Variants in GRIA4 observed in about 807,000 individuals in gnomAD.
GRIA4 encodes the protein glutamate receptor 4.
In GRIA4, 34 loss-of-function variants were observed where a neutral mutation model predicts 104.0. The observed-to-expected ratio is 0.33, with a 90% CI of 0.25 to 0.44. The LOEUF is 0.44. Among genes scored for constraint, GRIA4 ranks in the 20% least tolerant of loss-of-function variants. The pLI is 1.00. For synonymous variants in GRIA4, 386 were observed against 381.9 expected (o/e 1.01, Z -0.13); for missense variants, 750 against 1,096.5 (o/e 0.68, Z 4.46).
intron 3 of GRIA4, among the ~76,000 whole-genome samples, chr11:105,729,677 G>T (rs1294826471): frequency 6.6e-6 from 1 of 152,150 alleles, no homozygotes; most frequent in Non-Finnish European, 1.5e-5. Flanking sequence ...AGTGGGCTTT[G>T]TCCCTGGGAT....
intron 3 of GRIA4, among the ~76,000 whole-genome samples, chr11:105,621,461 G>T (rs555058716): frequency 1.3e-5 from 2 of 150,826 alleles, no homozygotes; most frequent in Admixed American, 6.6e-5. Context: ...AGAAATAAAA[G>T]TATTTAATAA....
In GRIA4 at chr11:105,879,862, A is replaced by C. The variant is rs548694297; in HGVS notation, c.673-7657A>C. ...ATTTTTCTCTTATGAAAGATATATT[A>C]ACATTGGCTAAAAATAAGTCTGAAT... On this transcript the variant is annotated intron_variant, in intron 5 of 16. Coordinates refer to ENST00000282499, the MANE Select transcript of GRIA4 (RefSeq NM_000829.4). Among the ~76,000 whole-genome samples the C allele has an allele frequency of 5.9e-5, 9 of 152,338 alleles. No homozygotes were observed. The South Asian group carries it at 1.9e-3, about 32-fold the overall frequency.
chr11:105,808,213 T>A (rs1442831125), intron 4 of GRIA4, among the ~76,000 whole-genome samples: 1 of 151,972 alleles, frequency 6.6e-6, no homozygotes, highest in Non-Finnish European at 1.5e-5. Context: ...GCTCAATTAA[T>A]TTTGAAGGGC....
intron 4 of GRIA4, among the ~76,000 whole-genome samples, chr11:105,860,557 G>A (rs1945183040): frequency 6.6e-6 from 1 of 152,140 alleles, no homozygotes; most frequent in Non-Finnish European, 1.5e-5. Flanking sequence ...AAACCATAAA[G>A]TGAAAATATA....
rs1379006833 is a variant in GRIA4 at position 105,894,817 on chromosome 11, G to C, written c.727-3452G>C. On this transcript the variant is annotated intron_variant, in intron 6 of 16. Transcript: ENST00000282499. ...TTTTTTTTTTTTTTTTTTTGAGACGGAGTCTCGCTCTGTCGCCCAGGCTGG... is the reference window on the plus strand; with the variant it reads ...TTTTTTTTTTTTTTTTTTTGAGACGCAGTCTCGCTCTGTCGCCCAGGCTGG... Among the ~76,000 whole-genome samples, 9 of 99,482 alleles carry C rather than the reference G, an allele frequency of 9.0e-5. 1 individual carries two copies. Among genetic ancestry groups the C allele is most frequent in the Non-Finnish European group, 1.7e-4 (8 of 46,980 alleles). 65.3% of individuals were successfully genotyped at this position (99,482 alleles called of 152,430 possible).
chr11:105,612,153 G>T, intron 2 of GRIA4, 123 bp from the exon 3 acceptor site: 1 of 797,298 alleles, frequency 1.3e-6, no homozygotes, highest in South Asian at 1.7e-5. Flanking sequence ...CTCCCTAGAT[G>T]TGGCAGGTAT....
rs900066162 is a variant in GRIA4 at position 105,888,673 on chromosome 11, G to C, written c.726+1101G>C. On this transcript the variant is annotated intron_variant, in intron 6 of 16. Transcript: ENST00000282499. The stretch of plus-strand genomic sequence containing the variant: ...AACTAAAGGATGCAAAAGAGATTCA[G>C]ATCTACCCATTCTTTCCGTATGGCA... Among the ~76,000 whole-genome samples the C allele has an allele frequency of 2.6e-5, 4 of 151,984 alleles. 1 individual carries two copies. The highest frequency in any genetic ancestry group is 5.9e-5 in the Non-Finnish European group (4 of 68,000).
intron 3 of GRIA4, among the ~76,000 whole-genome samples, chr11:105,616,733 A>G (rs905555635): frequency 2.3e-4 from 35 of 151,938 alleles, no homozygotes; most frequent in African/African-American, 7.9e-4. Flanking sequence ...AAGAAATACT[A>G]GAATTAAATA....
At position 105,924,563 on chromosome 11, in the gene GRIA4, T is replaced by C. The variant is rs1565345621; in HGVS notation, c.1641T>C (p.Ile547=). The C allele has an allele frequency of 2.5e-6, 4 of 1,613,158 alleles. No individual in the cohort carries two copies. The highest frequency in any genetic ancestry group is 1.1e-5 in the South Asian group (1 of 91,058). The change falls in exon 12 of 17, where the codon ATT becomes ATC. Residue 547 remains isoleucine, a synonymous_variant. Coordinates refer to ENST00000282499, the MANE Select transcript of GRIA4 (RefSeq NM_000829.4). Reference sequence around the variant, plus strand: ...TCTTGGATCCTCTGGCCTATGAGATTTGGATGTGCATAGTCTTTGCCTACA... The same window carrying C: ...TCTTGGATCCTCTGGCCTATGAGATCTGGATGTGCATAGTCTTTGCCTACA... ...FSFLDPLAYE[I]WMCIVFAYIG...
intron 3 of GRIA4, among the ~76,000 whole-genome samples, chr11:105,747,969 G>T (rs973467645): frequency 6.6e-6 from 1 of 152,018 alleles, no homozygotes; most frequent in African/African-American, 2.4e-5. Flanking sequence ...AATATGTATT[G>T]AGTGCTTACT....
intron 12 of GRIA4, among the ~76,000 whole-genome samples, chr11:105,925,489 T>A (rs1947680518): frequency 6.6e-6 from 1 of 152,172 alleles, no homozygotes; most frequent in Non-Finnish European, 1.5e-5. Context: ...AGAAGAAAAG[T>A]ATTTACTTTA....
chr11:105,903,714 G>C (rs1283069842), intron 7 of GRIA4, 100 bp from the exon 8 acceptor site: 6 of 774,812 alleles, frequency 7.7e-6, no homozygotes, highest in Non-Finnish European at 1.3e-5. Flanking sequence ...CCTTCAGACA[G>C]AATGGTGCTT....
At chr11:105,672,121 T>G (rs1305265264) in intron 3 of GRIA4, among the ~76,000 whole-genome samples, 1 of 152,188 alleles carries the variant, frequency 6.6e-6, no homozygotes, top group Non-Finnish European at 1.5e-5. Context: ...AATAGAATTT[T>G]AATTGAGGGT....
chr11:105,925,432 A>G (rs1261227303), intron 12 of GRIA4, among the ~76,000 whole-genome samples: 1 of 152,158 alleles, frequency 6.6e-6, no homozygotes, highest in African/African-American at 2.4e-5. Context: ...TTCTTTTGCA[A>G]GAAAAAATGC....
chr11:105,832,077 G>C (rs544190238), intron 4 of GRIA4, among the ~76,000 whole-genome samples: 1 of 151,866 alleles, frequency 6.6e-6, no homozygotes, highest in Non-Finnish European at 1.5e-5. Flanking sequence ...GTAAGGCCGG[G>C]GAATCAATGA....
chr11:105,801,805 T>A (rs1942732710), intron 4 of GRIA4, among the ~76,000 whole-genome samples: 1 of 152,146 alleles, frequency 6.6e-6, no homozygotes, highest in Admixed American at 6.6e-5. Flanking sequence ...CCTTGGTAGA[T>A]ATTGTGCTTC....
chr11:105,737,602 C>T (rs1211278288), intron 3 of GRIA4, among the ~76,000 whole-genome samples: 2 of 152,248 alleles, frequency 1.3e-5, no homozygotes, highest in African/African-American at 4.8e-5. Flanking sequence ...GAAGTGGCTT[C>T]TTAAGAAGAA....
intron 15 of GRIA4, among the ~76,000 whole-genome samples, chr11:105,973,605 T>G (rs1168418359): frequency 6.6e-6 from 1 of 152,034 alleles, no homozygotes; most frequent in South Asian, 2.1e-4. Context: ...CAATTGACCA[T>G]AATAATTTAT....
intron 3 of GRIA4, among the ~76,000 whole-genome samples, chr11:105,746,738 T>C (rs985823680): frequency 6.6e-6 from 1 of 152,076 alleles, no homozygotes; most frequent in Non-Finnish European, 1.5e-5. Flanking sequence ...TTCAAATGTA[T>C]AATGAGTCTA....
Sources: allele counts gnomAD v4.1 joint callset (sites outside exome capture counted in the v4.1 genomes callset), GRCh38; gene constraint gnomAD v4.1.1; transcripts MANE v1.5; gene names NCBI Gene and HGNC (gene_info 2026-07-23, HGNC 2026-07-21).